DOK5: variants seen among roughly 807,000 people sequenced by gnomAD.
DOK5 encodes downstream of tyrosine kinase 5.
In DOK5, 27 loss-of-function variants were observed where a neutral mutation model predicts 43.3. The ratio of observed to expected loss-of-function variants is 0.62; its 90% CI spans 0.46 to 0.86. The LOEUF (loss-of-function observed/expected upper bound fraction) is 0.86. Ranked by LOEUF, DOK5 falls within the 40% of genes least tolerant of loss-of-function variation. DOK5 has a pLI of 0.00. For missense variants in DOK5, 373 were observed against 392.9 expected, an observed-to-expected ratio of 0.95 and a Z score of 0.43; for synonymous variants, 146 against 140.1, an observed-to-expected ratio of 1.04 and a Z score of -0.30.
At chr20:54,519,068 G>C (rs889487325) in intron 1 of DOK5, among the ~76,000 whole-genome samples, 1 of 152,306 alleles carries the variant, frequency 6.6e-6, no homozygotes, top group East Asian at 1.9e-4. Flanking sequence ...GTGCTGGAGA[G>C]GATGTGAAGA....
chr20:54,591,574 T>C, intron 4 of DOK5, 42 bp from the exon 5 acceptor site: 1 of 1,454,746 alleles, frequency 6.9e-7, no homozygotes. Context: ...TTTGATGTTT[T>C]ATTCCTGGGG....
chr20:54,586,546 GC>G (rs1403221260), intron 2 of DOK5, among the ~76,000 whole-genome samples: 1 of 152,174 alleles, frequency 6.6e-6, no homozygotes, highest in Non-Finnish European at 1.5e-5. Flanking sequence ...GATGAGCAGA[GC>G]AAAAACAAAA....
At chr20:54,648,303 C>A (rs533526462) in intron 7 of DOK5, among the ~76,000 whole-genome samples, 2 of 152,042 alleles carry the variant, frequency 1.3e-5, no homozygotes, top group African/African-American at 4.8e-5. Flanking sequence ...CCTTCCCTCT[C>A]GGAGCTTATA....
chr20:54,548,088 C>T lies in DOK5; in HGVS notation c.67-6845C>T, dbSNP rs553351471. On this transcript the variant is annotated intron_variant, in intron 1 of 7. Coordinates refer to ENST00000262593, the MANE Select transcript of DOK5 (RefSeq NM_018431.5). ...TCCTACCATGCACAGGATAACCCCC[C>T]ACTAGAAAGAATTTTCTGGCCCAAA... Among the ~76,000 whole-genome samples, 15 of 152,202 alleles carry T rather than the reference C, an allele frequency of 9.9e-5. No homozygotes were observed. In the East Asian group the frequency reaches 2.3e-3, roughly 24 times the overall value.
chr20:54,650,436 T>G lies in DOK5; in HGVS notation c.878T>G (p.Leu293Arg), dbSNP rs201718507. ...RLQDVSSPLK[L>R]HRTETFPAYR... is the part of the protein sequence containing the mutation. ...AAAGATGTTTCCAGCCCTCTGAAGC[T>G]TCATCGAACAGAGACTTTTCCAGCC... The change falls in exon 8 of 8, where the codon CTT becomes CGT. Residue 293 changes from leucine (L) to arginine (R), a missense_variant. Leu to Arg is a moderately radical substitution (Grantham distance 102, BLOSUM62 -2). Transcript: ENST00000262593. The G allele has an allele frequency of 1.8e-4, 293 of 1,613,982 alleles. No homozygotes were observed. The highest frequency in any genetic ancestry group is 4.3e-4 in the Admixed American group (26 of 59,996).
At chr20:54,571,630 G>A (rs1370841720) in intron 2 of DOK5, among the ~76,000 whole-genome samples, 1 of 152,098 alleles carries the variant, frequency 6.6e-6, no homozygotes, top group Non-Finnish European at 1.5e-5. Context: ...GTATCTCTGG[G>A]GAAGGGGGGT....
At chr20:54,492,106 C>T (rs1244004619) in intron 1 of DOK5, among the ~76,000 whole-genome samples, 2 of 151,516 alleles carry the variant, frequency 1.3e-5, no homozygotes, top group East Asian at 3.9e-4. Flanking sequence ...TTTAATTTAA[C>T]CAGTATTTTA....
At chr20:54,626,171 A>T (rs1987123536) in intron 6 of DOK5, among the ~76,000 whole-genome samples, 1 of 152,232 alleles carries the variant, frequency 6.6e-6, no homozygotes, top group African/African-American at 2.4e-5. Context: ...TGTGGCTTAT[A>T]AATGATGCCC....
chr20:54,616,748 A>G (rs1018760615), intron 6 of DOK5, among the ~76,000 whole-genome samples: 1 of 150,704 alleles, frequency 6.6e-6, no homozygotes, highest in Non-Finnish European at 1.5e-5. Context: ...TCTCAAGGTA[A>G]AAGTGGGGAA....
intron 5 of DOK5, among the ~76,000 whole-genome samples, chr20:54,593,539 A>G (rs1385144966): frequency 1.3e-5 from 2 of 152,194 alleles, no homozygotes; most frequent in African/African-American, 2.4e-5. Flanking sequence ...CTTATAAGAA[A>G]ATCCCAGGCC....
intron 1 of DOK5, among the ~76,000 whole-genome samples, chr20:54,482,564 C>T (rs1005411471): frequency 3.3e-5 from 5 of 151,376 alleles, no homozygotes; most frequent in East Asian, 2.0e-4. Flanking sequence ...GGTGTGATCT[C>T]GGCTCACTTG....
chr20:54,564,870 A>G (rs1410809954), intron 2 of DOK5, among the ~76,000 whole-genome samples: 1 of 152,146 alleles, frequency 6.6e-6, no homozygotes, highest in Non-Finnish European at 1.5e-5. Context: ...CTGGTCTCCT[A>G]AGCCCTGTAT....
rs34741362 is a variant in DOK5, at chr20:54,492,686, TTGTGTG to T, written c.66+16706_66+16711del. Among the ~76,000 whole-genome samples, 374 of 141,174 alleles carry T rather than the reference TTGTGTG, an allele frequency of 2.6e-3. 2 individuals are homozygous for T. Among genetic ancestry groups the T allele is most frequent in the African/African-American group, 5.4e-3 (209 of 38,652 alleles). The allele number at this position is 141,174 out of a possible 152,430, so 92.6% of individuals were successfully genotyped here. On this transcript the variant is annotated intron_variant, in intron 1 of 7. Transcript: ENST00000262593. ...AAAGAGTGCTTGTAAGAGTGTGGCT[TTGTGTG>T]TGTGTGTGTGTGTGTGTGTGTGTGT...
chr20:54,628,516 G>C (rs1286410399), intron 6 of DOK5, among the ~76,000 whole-genome samples: 2 of 140,214 alleles, frequency 1.4e-5, no homozygotes, highest in African/African-American at 5.3e-5. Context: ...GGAGGAACCA[G>C]AACTGATGCA....
intron 1 of DOK5, among the ~76,000 whole-genome samples, chr20:54,503,612 T>C (rs1243426284): frequency 6.6e-6 from 1 of 152,218 alleles, no homozygotes; most frequent in African/African-American, 2.4e-5. Flanking sequence ...TGGATTTTTA[T>C]AGCAGTGCCA....
chr20:54,578,274 C>T (rs979653562), intron 2 of DOK5, among the ~76,000 whole-genome samples: 73 of 152,084 alleles, frequency 4.8e-4, no homozygotes, highest in African/African-American at 1.5e-3. Context: ...AATTTAATAC[C>T]CATTTTTTTG....
intron 6 of DOK5, among the ~76,000 whole-genome samples, chr20:54,632,357 A>C (rs1346045928): frequency 6.6e-6 from 1 of 152,250 alleles, no homozygotes; most frequent in Non-Finnish European, 1.5e-5. Flanking sequence ...AAAACAGTCC[A>C]ATATCAGATA....
rs144400347 is a variant in DOK5 at position 54,559,439 on chromosome 20, G to C, written c.174+4399G>C. 3.2e-3 allele frequency among the ~76,000 whole-genome samples: 484 copies of C among 152,314 alleles called. 9 individuals carry two copies. The highest frequency in any genetic ancestry group is 0.022 in the Admixed American group (341 of 15,292). Reference sequence around the variant, plus strand: ...TCATCACATGTGGCTGAGTCTGCAGGGATTCGGTTCACCTTGGACCAGAAG... The same window carrying C: ...TCATCACATGTGGCTGAGTCTGCAGCGATTCGGTTCACCTTGGACCAGAAG... On this transcript the variant is annotated intron_variant, in intron 2 of 7. Coordinates refer to ENST00000262593, the MANE Select transcript of DOK5 (RefSeq NM_018431.5).
rs1568827238 is a variant in DOK5 at position 54,644,722 on chromosome 20, A to AACAAAAAAAAAAC, written c.856+1145_856+1146insCAAAAAAAAAACA. Among the ~76,000 whole-genome samples the AACAAAAAAAAAAC allele has an allele frequency of 9.5e-3, 1,396 of 146,604 alleles. 44 individuals carry two copies. Among genetic ancestry groups the AACAAAAAAAAAAC allele is most frequent in the African/African-American group, 0.034 (1,330 of 39,296 alleles). On this transcript the variant is annotated intron_variant, in intron 7 of 7. Coordinates refer to ENST00000262593, the MANE Select transcript of DOK5 (RefSeq NM_018431.5). ...CTCCGTCTCAAAAAAAAAAAAAAAA[A>AACAAAAAAAAAAC]AACAAAATTTAGCTGGGCGTGGTGG...
Sources: allele counts gnomAD v4.1 joint callset (sites outside exome capture counted in the v4.1 genomes callset), GRCh38; gene constraint gnomAD v4.1.1; transcripts MANE v1.5; gene names NCBI Gene and HGNC (gene_info 2026-07-23, HGNC 2026-07-21).